The following SNX29 variants were observed in gnomAD, a reference collection of about 807,000 sequenced individuals.
SNX29 encodes sorting nexin-29.
In SNX29, 78 loss-of-function variants were observed where a neutral mutation model predicts 102.1. The observed-to-expected ratio is 0.76, with a 90% CI of 0.64 to 0.92. The LOEUF is 0.92. Ranked by LOEUF, SNX29 falls within the 40% of genes least tolerant of loss-of-function variation. SNX29 has a pLI of 0.00. For missense variants in SNX29, 1,280 were observed against 1,061.7 expected (o/e 1.21, Z -2.86); for synonymous variants, 580 against 414.5 (o/e 1.40, Z -4.85).
At chr16:12,550,652 TAGTGGAGGACCAAGGTGGGAAGACTCAC>T (rs937593931) in intron 20 of SNX29, among the ~76,000 whole-genome samples, 4 of 152,160 alleles carry the variant, frequency 2.6e-5, no homozygotes, top group Non-Finnish European at 4.4e-5. Flanking sequence ...AACCGTCACT[TAGTGGAGGACCAAGGTGGGAAGACTCAC>T]TTTTTCATGT....
chr16:12,155,895 G>A (rs1038762389), intron 13 of SNX29, among the ~76,000 whole-genome samples: 1 of 152,222 alleles, frequency 6.6e-6, no homozygotes, highest in Admixed American at 6.5e-5. Flanking sequence ...CTCTGCTCAA[G>A]ATCCTGCAGT....
chr16:12,544,725 AAACCTC>A (rs1441689807), intron 20 of SNX29, among the ~76,000 whole-genome samples: 15 of 152,268 alleles, frequency 9.9e-5, no homozygotes, highest in South Asian at 4.1e-4. Context: ...ATAGGAGGGG[AAACCTC>A]GGCCCAGAGA....
At position 12,564,611 on chromosome 16, in the gene SNX29, G is replaced by C. The variant is rs145009606; in HGVS notation, c.2319-3895G>C. On this transcript the variant is annotated intron_variant, in intron 20 of 20. Transcript: ENST00000566228. ...TTTTCTTGTTTGTGAAACTGTAACA[G>C]ACCTAGTCCCAGCATTAACAGAGTC... Among the ~76,000 whole-genome samples, 915 of 152,036 alleles carry C rather than the reference G, an allele frequency of 6.0e-3. 5 individuals are homozygous for C. The highest frequency in any genetic ancestry group is 0.02 in the African/African-American group (837 of 41,314).
At chr16:12,050,305 A>T (rs759952962) in intron 7 of SNX29, among the ~76,000 whole-genome samples, 4 of 152,242 alleles carry the variant, frequency 2.6e-5, no homozygotes, top group Non-Finnish European at 5.9e-5. Context: ...TCCAAGTGTG[A>T]TGATTAAAAT....
chr16:12,543,550 C>T (rs1417249674), intron 20 of SNX29, among the ~76,000 whole-genome samples: 2 of 152,326 alleles, frequency 1.3e-5, no homozygotes, highest in South Asian at 2.1e-4. Context: ...GACTTCCACG[C>T]CCACTGAGCC....
intron 11 of SNX29, among the ~76,000 whole-genome samples, chr16:12,113,430 C>T (rs928004150): frequency 6.6e-6 from 1 of 152,104 alleles, no homozygotes; most frequent in Non-Finnish European, 1.5e-5. Context: ...CTCAAAGTGT[C>T]AGGTGCAGAG....
intron 15 of SNX29, among the ~76,000 whole-genome samples, chr16:12,322,496 C>T (rs760919982): frequency 1.4e-4 from 22 of 152,178 alleles, no homozygotes; most frequent in African/African-American, 4.3e-4. Flanking sequence ...CTGCAATATA[C>T]ATTTGTTTGT....
intron 20 of SNX29, among the ~76,000 whole-genome samples, chr16:12,559,192 A>AGTGG (rs1459526113): frequency 2.0e-5 from 3 of 152,034 alleles, no homozygotes; most frequent in Non-Finnish European, 4.4e-5. Flanking sequence ...TGGGCTACAC[A>AGTGG]GTGGGTGAGC....
chr16:12,484,977 C>G (rs2088154622), intron 19 of SNX29, among the ~76,000 whole-genome samples: 1 of 152,192 alleles, frequency 6.6e-6, no homozygotes, highest in African/African-American at 2.4e-5. Flanking sequence ...CCTGACATAC[C>G]AAGATACTCA....
chr16:12,048,283 T>C, intron 6 of SNX29, 89 bp from the exon 7 acceptor site: 1 of 1,585,646 alleles, frequency 6.3e-7, no homozygotes, highest in South Asian at 1.1e-5. Flanking sequence ...CCTCCTCTTC[T>C]GTACTCTGTT....
intron 15 of SNX29, among the ~76,000 whole-genome samples, chr16:12,312,224 A>G (rs2080579437): frequency 6.6e-6 from 1 of 152,210 alleles, no homozygotes; most frequent in Non-Finnish European, 1.5e-5. Context: ...TATTTGATGA[A>G]TGAATGAATG....
intron 16 of SNX29, among the ~76,000 whole-genome samples, chr16:12,369,948 G>A (rs1292835154): frequency 6.6e-6 from 1 of 152,206 alleles, no homozygotes; most frequent in South Asian, 2.1e-4. Context: ...CAGGCACAGT[G>A]GCTGATGCCT....
chr16:12,187,683 C>CT (rs1274506398), intron 13 of SNX29, among the ~76,000 whole-genome samples: 1 of 152,102 alleles, frequency 6.6e-6, no homozygotes, highest in Non-Finnish European at 1.5e-5. Context: ...CCCCAACCCC[C>CT]TTTTTTTGAA....
At chr16:12,257,134 C>CT (rs1439703738) in intron 14 of SNX29, among the ~76,000 whole-genome samples, 4 of 152,162 alleles carry the variant, frequency 2.6e-5, no homozygotes, top group Admixed American at 1.3e-4. Context: ...AGCTGAATGA[C>CT]TAAGGTTCCC....
intron 1 of SNX29, among the ~76,000 whole-genome samples, chr16:11,986,727 G>A (rs903356786): frequency 2.6e-5 from 4 of 152,170 alleles, no homozygotes; most frequent in African/African-American, 4.8e-5. Flanking sequence ...ATTGGTAGGC[G>A]TTTCCTGTGA....
chr16:12,211,621 C>G (rs749419313), intron 14 of SNX29, among the ~76,000 whole-genome samples: 27 of 152,180 alleles, frequency 1.8e-4, no homozygotes, highest in Non-Finnish European at 3.4e-4. Context: ...AAGGAATTGA[C>G]CCATGTTATG....
rs1480786052 is a variant in SNX29 at position 12,382,809 on chromosome 16, A to G, written c.1900-15637A>G. ...CTTGGTTTATGGCCGTGTCACACCA[A>G]TCTCTGCCTTTGTCTTTACTTGGCC... On this transcript the variant is annotated intron_variant, in intron 16 of 20. Coordinates refer to ENST00000566228, the MANE Select transcript of SNX29 (RefSeq NM_032167.5). Among the ~76,000 whole-genome samples the G allele has an allele frequency of 2.0e-5, 3 of 151,236 alleles. No individual in the cohort carries two copies. The South Asian group carries it at 6.3e-4, about 32-fold the overall frequency.
intron 8 of SNX29, among the ~76,000 whole-genome samples, chr16:12,056,913 C>T (rs1486935031): frequency 6.6e-6 from 1 of 151,926 alleles, no homozygotes; most frequent in Non-Finnish European, 1.5e-5. Context: ...CAGGGAACTC[C>T]TAGTGTCAAG....
At chr16:12,443,963 A>G (rs574358803) in intron 18 of SNX29, among the ~76,000 whole-genome samples, 2 of 152,226 alleles carry the variant, frequency 1.3e-5, no homozygotes, top group Admixed American at 6.5e-5. Context: ...AGCACGTAAT[A>G]AGCACTCAGT....
Sources: allele counts gnomAD v4.1 joint callset (sites outside exome capture counted in the v4.1 genomes callset), GRCh38; gene constraint gnomAD v4.1.1; transcripts MANE v1.5; gene names NCBI Gene and HGNC (gene_info 2026-07-23, HGNC 2026-07-21).